Variants in MMP15 observed in about 807,000 individuals in gnomAD.
MMP15 encodes the protein matrix metallopeptidase 15.
MMP15 carries 36 observed loss-of-function variants against 65.0 expected under a neutral mutation model. That is an observed-to-expected ratio of 0.55 (90% CI 0.42 to 0.73). The LOEUF (loss-of-function observed/expected upper bound fraction) is 0.73, where lower values mean the gene tolerates loss of function less well. MMP15 is among the 30% of genes least tolerant of loss of function. MMP15 has a pLI of 0.00. For missense variants in MMP15, 870 were observed against 987.8 expected (o/e 0.88, Z 1.60); for synonymous variants, 428 against 410.2 (o/e 1.04, Z -0.52).
At chr16:58,027,832 G>C (rs1290812455) in intron 1 of MMP15, among the ~76,000 whole-genome samples, 2 of 152,110 alleles carry the variant, frequency 1.3e-5, no homozygotes. Flanking sequence ...AGGCAGGATA[G>C]GAGCCCCGCC....
chr16:58,043,672 C>G, intron 9 of MMP15, 45 bp downstream of exon 9: 1 of 1,391,090 alleles, frequency 7.2e-7, no homozygotes, highest in Non-Finnish European at 9.9e-7. Flanking sequence ...CTAATATCCC[C>G]TGCTACACAC....
intron 7 of MMP15, 50 bp from the exon 8 acceptor site, chr16:58,043,160 A>ACC: frequency 2.7e-6 from 4 of 1,485,362 alleles, no homozygotes; most frequent in Non-Finnish European, 3.6e-6. Flanking sequence ...TCCCGCACAC[A>ACC]CCCCTCAGCC....
rs1215648201 is a variant in MMP15, at chr16:58,041,692, ACCGGCCGCC to A, written c.993_1001del (p.Arg333_Pro335del). The stretch of plus-strand genomic sequence containing the variant: ...CCACGGCGGCCAGGCCGGCCTGACC[ACCGGCCGCC>A]CCGGCCTCCCCAGCCACCACCCCCA... On this transcript the variant is annotated inframe_deletion, in exon 6 of 10. Coordinates refer to ENST00000219271, the MANE Select transcript of MMP15 (RefSeq NM_002428.4). 13 of 1,578,042 alleles carry A rather than the reference ACCGGCCGCC, an allele frequency of 8.2e-6. No homozygotes were observed. The highest frequency in any genetic ancestry group is 4.6e-5 in the South Asian group (4 of 87,128).
At chr16:58,041,318 C>T (rs1308356179) in intron 5 of MMP15, among the ~76,000 whole-genome samples, 1 of 152,186 alleles carries the variant, frequency 6.6e-6, no homozygotes, top group African/African-American at 2.4e-5. Flanking sequence ...CGCCTGAAGC[C>T]AGGGCCTGGA....
chr16:58,045,160 C>G lies in MMP15; in HGVS notation c.1724C>G (p.Pro575Arg). Residue 575 changes from proline to arginine, a missense_variant, in exon 10 of 10, where the codon CCG becomes CGG. By Grantham distance (103) the Pro-to-Arg change is moderately radical. Transcript: ENST00000219271. ...PGPRWPDVAR[P>R]PFNPHGGAEP... ...CCCCGATGGCCCGACGTGGCCCGGC[C>G]GCCCTTCAACCCCCACGGGGGTGCA... 6.3e-7 allele frequency: 1 copy of G among 1,595,714 alleles called. No individual in the cohort carries two copies. Among genetic ancestry groups the G allele is most frequent in the Non-Finnish European group, 8.5e-7 (1 of 1,171,618 alleles).
chr16:58,031,195 A>C (rs1295576783), intron 1 of MMP15, among the ~76,000 whole-genome samples: 1 of 152,172 alleles, frequency 6.6e-6, no homozygotes, highest in African/African-American at 2.4e-5. Flanking sequence ...CTTGGATTTG[A>C]ACCCAGCTCA....
intron 3 of MMP15, among the ~76,000 whole-genome samples, chr16:58,039,471 C>G (rs1180320852): frequency 6.6e-6 from 1 of 152,218 alleles, no homozygotes; most frequent in African/African-American, 2.4e-5. Flanking sequence ...CAGAGAGTCA[C>G]TTACCCAAGG....
At chr16:58,028,546 G>A (rs1314537436) in intron 1 of MMP15, among the ~76,000 whole-genome samples, 1 of 152,192 alleles carries the variant, frequency 6.6e-6, no homozygotes, top group East Asian at 1.9e-4. Context: ...CATCTGCCGG[G>A]GGCTGTGGCC....
chr16:58,037,972 G>C (rs1292470161), intron 2 of MMP15, among the ~76,000 whole-genome samples: 1 of 152,198 alleles, frequency 6.6e-6, no homozygotes, highest in Non-Finnish European at 1.5e-5. Flanking sequence ...CCATGTCCCT[G>C]AAAACAATGC....
chr16:58,045,312 G>C lies in MMP15; in HGVS notation c.1876G>C (p.Val626Leu), dbSNP rs200769934. The part of the protein sequence containing the change: ...QMEEVARTVN[V>L]VMVLVPLLLL... ...GGAGGAGGTGGCACGGACGGTGAACGTGGTGATGGTGCTGGTGCCACTGCT... is the reference window on the plus strand; with the variant it reads ...GGAGGAGGTGGCACGGACGGTGAACCTGGTGATGGTGCTGGTGCCACTGCT... Residue 626 changes from valine to leucine, a missense_variant, in exon 10 of 10, where the codon GTG becomes CTG. Physicochemically the swap from Val to Leu is conservative, Grantham distance 32. Coordinates refer to ENST00000219271, the MANE Select transcript of MMP15 (RefSeq NM_002428.4). 52 of 1,609,918 alleles carry C rather than the reference G, an allele frequency of 3.2e-5. No homozygotes were observed. The highest frequency in any genetic ancestry group is 2.5e-6 in the Non-Finnish European group (3 of 1,179,242).
chr16:58,041,820 G>C lies in MMP15; in HGVS notation c.1114G>C (p.Gly372Arg). 1 of 1,611,658 alleles carries C rather than the reference G, an allele frequency of 6.2e-7. No individual in the cohort carries two copies. Among genetic ancestry groups the C allele is most frequent in the Non-Finnish European group, 8.5e-7 (1 of 1,178,934 alleles). ...CCAGTATGGCCCCAACATCTGCGAC[G>C]GGGACTTTGACACAGTGGCCATGCT... ...PDQYGPNICDGDFDTVAMLRG... is the reference protein window; with the variant it reads ...PDQYGPNICDRDFDTVAMLRG... The change falls in exon 6 of 10, where the codon GGG (glycine) becomes CGG (arginine). Residue 372 changes from glycine to arginine, a missense_variant. Transcript: ENST00000219271.
chr16:58,043,149 T>C (rs1959486910), intron 7 of MMP15, 61 bp from the exon 8 acceptor site: 7 of 1,452,400 alleles, frequency 4.8e-6, no homozygotes, highest in South Asian at 1.4e-5. Context: ...GAGCATTCTT[T>C]TCCCGCACAC....
intron 1 of MMP15, among the ~76,000 whole-genome samples, chr16:58,030,984 G>A (rs1963883796): frequency 6.6e-6 from 1 of 152,146 alleles, no homozygotes; most frequent in South Asian, 2.1e-4. Flanking sequence ...AGGAGGCGCA[G>A]GTGTTATTTT....
rs770632212 is a variant in MMP15 at position 58,045,273 on chromosome 16, G to A, written c.1837G>A (p.Val613Met). ...GGTCAACAAGGACGGGGGCAGCCGCGTGGTGGTGCAGATGGAGGAGGTGGC... is the reference window on the plus strand; with the variant it reads ...GGTCAACAAGGACGGGGGCAGCCGCATGGTGGTGCAGATGGAGGAGGTGGC... ...AGVNKDGGSR[V>M]VVQMEEVART... Residue 613 changes from valine (V) to methionine (M), a missense_variant, in exon 10 of 10, where the codon GTG (valine) becomes ATG (methionine). By Grantham distance (21) the Val-to-Met change is conservative. Coordinates refer to ENST00000219271, the MANE Select transcript of MMP15 (RefSeq NM_002428.4). 1.6e-5 allele frequency: 26 copies of A among 1,610,358 alleles called. 1 individual carries two copies. The highest frequency in any genetic ancestry group is 1.1e-4 in the South Asian group (10 of 90,296).
chr16:58,041,861 C>A lies in MMP15; in HGVS notation c.1155C>A (p.Phe385Leu). ...TGGCCATGCTTCGCGGGGAGATGTT[C>A]GTGTTCAAGGTCTGGCCCCGCCTCC... ...DTVAMLRGEM[F>L]VFKGRWFWRV... The change falls in exon 6 of 10, where the codon TTC becomes TTA. Residue 385 changes from phenylalanine to leucine, a missense_variant. Coordinates refer to ENST00000219271, the MANE Select transcript of MMP15 (RefSeq NM_002428.4). The A allele has an allele frequency of 6.3e-7, 1 of 1,591,090 alleles. No individual in the cohort carries two copies. The highest frequency in any genetic ancestry group is 1.2e-5 in the South Asian group (1 of 86,314).
At chr16:58,028,170 C>A (rs1261986478) in intron 1 of MMP15, among the ~76,000 whole-genome samples, 1 of 152,214 alleles carries the variant, frequency 6.6e-6, no homozygotes, top group Non-Finnish European at 1.5e-5. Context: ...CTCTCTCTCT[C>A]TTCTGCTTTT....
At chr16:58,040,721 GCT>G (rs776656496) in intron 5 of MMP15, 23 bp downstream of exon 5, 7 of 1,613,638 alleles carry the variant, frequency 4.3e-6, no homozygotes, top group Non-Finnish European at 5.9e-6. Flanking sequence ...TGACCAGCGG[GCT>G]CTGCATGCCG....
At chr16:58,032,436 G>A (rs1959252754) in intron 1 of MMP15, among the ~76,000 whole-genome samples, 1 of 152,128 alleles carries the variant, frequency 6.6e-6, no homozygotes. Flanking sequence ...GGGGCCTTGA[G>A]TGGCAGTGAG....
Position 58,025,833 on chromosome 16 carries a change from T to G in MMP15, c.-518T>G, listed in dbSNP as rs1011903318. 2 of 151,566 alleles carry G rather than the reference T, an allele frequency of 1.3e-5. No individual in the cohort carries two copies. The highest frequency in any genetic ancestry group is 1.3e-4 in the Admixed American group (2 of 15,240). 9.4% of individuals were successfully genotyped at this position (151,566 alleles called of 1,614,324 possible). A position where few individuals can be genotyped will look rare whatever the true frequency, so the allele number is the denominator to read the frequency against. On this transcript the variant is annotated 5_prime_UTR_variant, in exon 1 of 10. Transcript: ENST00000219271. ...CCCGCTCCTTGGCTGGCTCGCTTGC[T>G]CTCTCGCTCGCTCTCTCGGGTCGGC...
Sources: allele counts gnomAD v4.1 joint callset (sites outside exome capture counted in the v4.1 genomes callset), GRCh38; gene constraint gnomAD v4.1.1; transcripts MANE v1.5; gene names NCBI Gene and HGNC (gene_info 2026-07-23, HGNC 2026-07-21).